TAF3: variants seen among roughly 807,000 people sequenced by gnomAD.
The protein encoded by TAF3 is transcription initiation factor TFIID subunit 3.
In TAF3, 7 loss-of-function variants were observed where a neutral mutation model predicts 80.6. The ratio of observed to expected loss-of-function variants is 0.09; its 90% confidence interval spans 0.05 to 0.16. The LOEUF is 0.16. Ranked by LOEUF, TAF3 falls within the 10% of genes least tolerant of loss-of-function variation. The pLI is 1.00. For synonymous variants in TAF3, 444 were observed against 446.1 expected, an observed-to-expected ratio of 1.00 and a Z score of 0.06; for missense variants, 921 against 1,140.2, an observed-to-expected ratio of 0.81 and a Z score of 2.77.
chr10:7,867,564 C>T (rs1426929552), intron 2 of TAF3, among the ~76,000 whole-genome samples: 1 of 152,098 alleles, frequency 6.6e-6, no homozygotes. Flanking sequence ...GGAAGGGGCA[C>T]CCTCATTCTG....
chr10:7,906,737 T>G (rs1476157126), intron 2 of TAF3, among the ~76,000 whole-genome samples: 2 of 151,566 alleles, frequency 1.3e-5, no homozygotes, highest in East Asian at 4.0e-4. Context: ...AGTTTTGAAA[T>G]TCTACCAATA....
intron 4 of TAF3, among the ~76,000 whole-genome samples, chr10:8,002,648 AT>A (rs1315021999): frequency 6.6e-6 from 1 of 152,216 alleles, no homozygotes; most frequent in African/African-American, 2.4e-5. Flanking sequence ...TTAGAAAAGA[AT>A]GAATATTCCG....
At chr10:7,866,482 T>C (rs1837216129) in intron 2 of TAF3, among the ~76,000 whole-genome samples, 1 of 151,954 alleles carries the variant, frequency 6.6e-6, no homozygotes, top group African/African-American at 2.4e-5. Flanking sequence ...CAAAGAAGAG[T>C]GTGCTAGACA....
At chr10:7,826,376 A>G (rs1394182128) in intron 2 of TAF3, among the ~76,000 whole-genome samples, 1 of 152,268 alleles carries the variant, frequency 6.6e-6, no homozygotes, top group African/African-American at 2.4e-5. Context: ...AATACTAGCA[A>G]GGAAATGTAA....
At chr10:7,908,756 G>T (rs554816712) in intron 2 of TAF3, among the ~76,000 whole-genome samples, 1 of 152,372 alleles carries the variant, frequency 6.6e-6, no homozygotes, top group East Asian at 1.9e-4. Context: ...AGGGAAACCT[G>T]ATATGTAAGA....
chr10:7,874,871 G>A (rs753798905), intron 2 of TAF3, among the ~76,000 whole-genome samples: 12 of 151,976 alleles, frequency 7.9e-5, no homozygotes, highest in Non-Finnish European at 1.8e-4. Flanking sequence ...AAGAAATTAT[G>A]TATTGAGCTC....
At chr10:7,966,103 A>G (rs1282279314) in intron 3 of TAF3, among the ~76,000 whole-genome samples, 1 of 152,166 alleles carries the variant, frequency 6.6e-6, no homozygotes, top group Non-Finnish European at 1.5e-5. Flanking sequence ...TTTTGCACCC[A>G]TATATTGAGA....
At chr10:7,838,242 T>C (rs1419131745) in intron 2 of TAF3, among the ~76,000 whole-genome samples, 2 of 152,204 alleles carry the variant, frequency 1.3e-5, no homozygotes, top group Non-Finnish European at 2.9e-5. Context: ...GTGTTGAATA[T>C]AGAGAGATGA....
intron 2 of TAF3, among the ~76,000 whole-genome samples, chr10:7,937,273 T>C (rs1837930600): frequency 1.3e-5 from 2 of 152,226 alleles, no homozygotes; most frequent in African/African-American, 4.8e-5. Context: ...GTCTTCCTAA[T>C]TGGCTGTATC....
At chr10:7,838,162 G>T (rs777119549) in intron 2 of TAF3, among the ~76,000 whole-genome samples, 6 of 152,156 alleles carry the variant, frequency 3.9e-5, no homozygotes, top group Non-Finnish European at 8.8e-5. Context: ...CTGGATTAGG[G>T]TTTAGTTGAC....
intron 2 of TAF3, among the ~76,000 whole-genome samples, chr10:7,929,237 G>T (rs1446397551): frequency 7.0e-6 from 1 of 143,752 alleles, no homozygotes; most frequent in Non-Finnish European, 1.5e-5. Flanking sequence ...TTAATTGAGA[G>T]AAGTAGTTTA....
chr10:8,010,073 T>C (rs1564383291), intron 5 of TAF3, among the ~76,000 whole-genome samples: 1 of 152,054 alleles, frequency 6.6e-6, no homozygotes, highest in Non-Finnish European at 1.5e-5. Flanking sequence ...TCTCGATTAG[T>C]TTTTTGTATT....
intron 2 of TAF3, among the ~76,000 whole-genome samples, chr10:7,886,532 C>T (rs1388240456): frequency 6.6e-6 from 1 of 152,156 alleles, no homozygotes; most frequent in African/African-American, 2.4e-5. Flanking sequence ...CTAGCTTTGC[C>T]ACGTTGTGGC....
intron 2 of TAF3, among the ~76,000 whole-genome samples, chr10:7,911,018 T>G (rs1456379249): frequency 6.6e-6 from 1 of 152,238 alleles, no homozygotes; most frequent in East Asian, 1.9e-4. Flanking sequence ...TTTGCCACAT[T>G]CTTAGCACTA....
At chr10:7,883,879 A>C (rs1465851164) in intron 2 of TAF3, among the ~76,000 whole-genome samples, 2 of 152,238 alleles carry the variant, frequency 1.3e-5, no homozygotes, top group Non-Finnish European at 2.9e-5. Context: ...GAGGGGCTAC[A>C]TCTAGTGAGA....
chr10:7,864,762 A>G (rs1300192169), intron 2 of TAF3, among the ~76,000 whole-genome samples: 1 of 151,396 alleles, frequency 6.6e-6, no homozygotes, highest in East Asian at 1.9e-4. Flanking sequence ...TTGCTTTTTC[A>G]TTTTATTAAC....
intron 4 of TAF3, among the ~76,000 whole-genome samples, chr10:7,992,444 T>C (rs1428311329): frequency 6.6e-6 from 1 of 152,152 alleles, no homozygotes; most frequent in Non-Finnish European, 1.5e-5. Context: ...CAGTAGACGG[T>C]AGGAAGTGTT....
intron 2 of TAF3, among the ~76,000 whole-genome samples, chr10:7,961,563 G>A (rs544997514): frequency 6.6e-6 from 1 of 152,072 alleles, no homozygotes; most frequent in South Asian, 2.1e-4. Context: ...TTATATATAG[G>A]TATTCCTCAA....
chr10:7,926,337 A>G (rs1837815422), intron 2 of TAF3, among the ~76,000 whole-genome samples: 1 of 152,174 alleles, frequency 6.6e-6, no homozygotes, highest in Non-Finnish European at 1.5e-5. Flanking sequence ...ATGTTCAGTA[A>G]TTCCTGCCAT....
Sources: allele counts gnomAD v4.1 joint callset (sites outside exome capture counted in the v4.1 genomes callset), GRCh38; gene constraint gnomAD v4.1.1; transcripts MANE v1.5; gene names NCBI Gene and HGNC (gene_info 2026-07-23, HGNC 2026-07-21).